Variants in TBCK observed in about 807,000 individuals in gnomAD.
TBCK encodes the protein TBC domain-containing protein kinase-like protein.
Under a neutral mutation model 113.4 loss-of-function variants are expected in TBCK, and 99 were observed. The observed-to-expected ratio is 0.87, with a 90% confidence interval of 0.74 to 1.03. The LOEUF (loss-of-function observed/expected upper bound fraction) is 1.03. Among genes scored for constraint, TBCK ranks in the 50% least tolerant of loss-of-function variants. The pLI is 0.00. For missense variants in TBCK, 1,045 were observed against 1,061.3 expected, an observed-to-expected ratio of 0.98 and a Z score of 0.21; for synonymous variants, 369 against 370.8, an observed-to-expected ratio of 1.00 and a Z score of 0.05.
At chr4:106,180,660 G>C (rs547454650) in intron 22 of TBCK, among the ~76,000 whole-genome samples, 1 of 151,992 alleles carries the variant, frequency 6.6e-6, no homozygotes, top group Non-Finnish European at 1.5e-5. Flanking sequence ...GTGATAATTC[G>C]CTGAGAATGA....
Position 106,138,275 on chromosome 4 carries a change from A to C in TBCK, c.2236-21897T>G, listed in dbSNP as rs1047402409. On this transcript the variant is annotated intron_variant, in intron 23 of 25. Transcript: ENST00000394708. ...ATCCGTTGTTGACTGAAATGTTGTT[A>C]TGTGCTGCATGACTGTATTTTCTAT... Among the ~76,000 whole-genome samples the C allele has an allele frequency of 1.3e-4, 18 of 140,962 alleles. 2 individuals are homozygous for C. Among genetic ancestry groups the C allele is most frequent in the African/African-American group, 3.8e-4 (15 of 39,950 alleles). 92.5% of individuals were successfully genotyped at this position (140,962 alleles called of 152,430 possible). A position where few individuals can be genotyped will look rare whatever the true frequency, so the allele number is the denominator to read the frequency against.
At chr4:106,304,061 T>C (rs969011467) in intron 2 of TBCK, among the ~76,000 whole-genome samples, 5 of 152,176 alleles carry the variant, frequency 3.3e-5, no homozygotes, top group Non-Finnish European at 7.3e-5. Context: ...TTACTGAATA[T>C]GTATATTTGG....
At chr4:106,208,616 T>G (rs970776906) in intron 20 of TBCK, among the ~76,000 whole-genome samples, 2 of 152,074 alleles carry the variant, frequency 1.3e-5, no homozygotes, top group African/African-American at 4.8e-5. Context: ...TGAGTAAAAC[T>G]CTTTGCCTCA....
chr4:106,260,063 A>G (rs1762359555), intron 5 of TBCK, among the ~76,000 whole-genome samples: 1 of 151,970 alleles, frequency 6.6e-6, no homozygotes, highest in Non-Finnish European at 1.5e-5. Flanking sequence ...TAAATTGAAA[A>G]TAATGTGAGA....
chr4:106,236,612 GA>G (rs1315763596), intron 13 of TBCK, 93 bp from the exon 14 acceptor site: 1 of 1,196,382 alleles, frequency 8.4e-7, no homozygotes, highest in African/African-American at 1.6e-5. Context: ...AGTGATTTCA[GA>G]AAAAGCACAA....
At chr4:106,294,622 C>T (rs1029002497) in intron 3 of TBCK, among the ~76,000 whole-genome samples, 3 of 152,036 alleles carry the variant, frequency 2.0e-5, no homozygotes, top group African/African-American at 7.2e-5. Flanking sequence ...GCTGGGACTA[C>T]AGGTGCCCAC....
chr4:106,218,520 C>G lies in TBCK; in HGVS notation c.1775-5685G>C, dbSNP rs1437719369. Reference sequence around the variant, plus strand: ...TCTACAATGAACTCAAACAAATTTACAAGAAAAAAACAAACAACCCCATCA... The same window carrying G: ...TCTACAATGAACTCAAACAAATTTAGAAGAAAAAAACAAACAACCCCATCA... On this transcript the variant is annotated intron_variant, in intron 19 of 25. Coordinates refer to ENST00000394708, the MANE Select transcript of TBCK (RefSeq NM_001163435.3). Among the ~76,000 whole-genome samples the G allele has an allele frequency of 8.5e-4, 102 of 120,492 alleles. 2 individuals carry two copies. In the East Asian group the frequency reaches 0.019, roughly 23 times the overall value. 79.0% of individuals were successfully genotyped at this position (120,492 alleles called of 152,430 possible).
intron 23 of TBCK, among the ~76,000 whole-genome samples, chr4:106,150,974 A>G (rs1010052787): frequency 1.1e-4 from 16 of 152,044 alleles, no homozygotes; most frequent in Admixed American, 8.5e-4. Flanking sequence ...TAATGCACCC[A>G]TAAGTTACCA....
intron 23 of TBCK, among the ~76,000 whole-genome samples, chr4:106,121,825 A>G (rs948819177): frequency 1.3e-5 from 2 of 152,158 alleles, no homozygotes; most frequent in Non-Finnish European, 2.9e-5. Context: ...TTTGAAACCA[A>G]CGAGAACAAA....
chr4:106,114,245 G>T (rs572353186), intron 24 of TBCK, among the ~76,000 whole-genome samples: 2 of 152,280 alleles, frequency 1.3e-5, no homozygotes, highest in East Asian at 3.9e-4. Flanking sequence ...AACCTTCTTG[G>T]AAGGCGGGGA....
At chr4:106,098,576 TAAAA>T (rs1228279183) in intron 24 of TBCK, among the ~76,000 whole-genome samples, 1 of 151,992 alleles carries the variant, frequency 6.6e-6, no homozygotes, top group Non-Finnish European at 1.5e-5. Context: ...CGTTAAAAGA[TAAAA>T]AACATCATTA....
intron 23 of TBCK, among the ~76,000 whole-genome samples, chr4:106,139,435 T>C (rs1234300435): frequency 7.0e-6 from 1 of 141,848 alleles, no homozygotes; most frequent in Non-Finnish European, 1.6e-5. Context: ...GTTTCAGCAA[T>C]AAACACAAAA....
chr4:106,085,711 C>T (rs1739418153), intron 25 of TBCK, among the ~76,000 whole-genome samples: 2 of 152,200 alleles, frequency 1.3e-5, no homozygotes, highest in Admixed American at 6.5e-5. Context: ...GGAAGTAAAA[C>T]ACTCCTCAGC....
intron 23 of TBCK, among the ~76,000 whole-genome samples, chr4:106,147,471 G>C (rs1747938223): frequency 6.6e-6 from 1 of 152,210 alleles, no homozygotes; most frequent in African/African-American, 2.4e-5. Context: ...AGCCATGGCA[G>C]AAGAACGTGG....
At chr4:106,185,614 T>C (rs990322297) in intron 22 of TBCK, among the ~76,000 whole-genome samples, 1 of 152,136 alleles carries the variant, frequency 6.6e-6, no homozygotes, top group African/African-American at 2.4e-5. Context: ...ATGATGATTC[T>C]AGAACAACAC....
chr4:106,279,240 T>C (rs192362729), intron 3 of TBCK, among the ~76,000 whole-genome samples: 43 of 152,294 alleles, frequency 2.8e-4, no homozygotes, highest in Admixed American at 2.7e-3. Flanking sequence ...ACAGAAAATA[T>C]AGTCAGTAAA....
intron 23 of TBCK, among the ~76,000 whole-genome samples, chr4:106,166,787 A>T (rs1341551551): frequency 3.3e-5 from 5 of 151,718 alleles, no homozygotes; most frequent in Admixed American, 3.3e-4. Context: ...AACTGTAATA[A>T]TATAATACAT....
rs2150065916 is a variant in TBCK, at chr4:106,251,906, T to C, written c.557A>G (p.Asp186Gly). ...KKPLPSGPKS[D>G]VWSLGIILFE... is the part of the protein sequence containing the mutation. Reference sequence around the variant, plus strand: ...TAAAATGATTCCAAGAGACCATACATCTGATTTGGGGCCAGAAGGCAATGG... The same window carrying C: ...TAAAATGATTCCAAGAGACCATACACCTGATTTGGGGCCAGAAGGCAATGG... The change falls in exon 6 of 26, where the codon GAT becomes GGT. Residue 186 changes from aspartate to glycine, a missense_variant. Transcript: ENST00000394708. The C allele has an allele frequency of 6.2e-7, 1 of 1,610,760 alleles. No homozygotes were observed. The highest frequency in any genetic ancestry group is 1.1e-5 in the South Asian group (1 of 90,436).
At chr4:106,260,628 T>C in intron 4 of TBCK, 118 bp from the exon 5 acceptor site, 1 of 379,072 alleles carries the variant, frequency 2.6e-6, no homozygotes, top group South Asian at 1.1e-4. Flanking sequence ...TATATAACAA[T>C]ATTTTATCAA....
Sources: allele counts gnomAD v4.1 joint callset (sites outside exome capture counted in the v4.1 genomes callset), GRCh38; gene constraint gnomAD v4.1.1; transcripts MANE v1.5; gene names NCBI Gene and HGNC (gene_info 2026-07-23, HGNC 2026-07-21).